The following CELF4 variants were observed in gnomAD, a reference collection of about 807,000 sequenced individuals.
CELF4 encodes the protein CUGBP Elav-like family member 4.
In CELF4, 18 loss-of-function variants were observed where a neutral mutation model predicts 59.9. That is an observed-to-expected ratio of 0.30 (90% CI 0.21 to 0.45). CELF4 has a LOEUF of 0.45. CELF4 is among the 20% of genes least tolerant of loss of function. CELF4 has a pLI of 1.00. For missense variants in CELF4, 456 were observed against 689.0 expected, an observed-to-expected ratio of 0.66 and a Z score of 3.79; for synonymous variants, 261 against 267.1, an observed-to-expected ratio of 0.98 and a Z score of 0.22.
intron 6 of CELF4, 148 bp downstream of exon 6, chr18:37,274,163 C>T (rs1242371662): frequency 4.1e-6 from 6 of 1,474,916 alleles, no homozygotes; most frequent in South Asian, 1.4e-5. Flanking sequence ...AGTTAAACCC[C>T]CCAGGTTCAT....
rs118104459 is a variant in CELF4, at chr18:37,310,712, C to T, written c.448+11091G>A. On this transcript the variant is annotated intron_variant, in intron 3 of 12. Transcript: ENST00000420428. ...GTGTTTTATCAGGCTGTTCCCAGTG[C>T]GGTGTGCCGGGGCCAGGGGGACGCT... 8.6e-4 allele frequency among the ~76,000 whole-genome samples: 131 copies of T among 152,342 alleles called. 2 individuals carry two copies. In the East Asian group the frequency reaches 0.024, roughly 28 times the overall value.
intron 7 of CELF4, 69 bp downstream of exon 7, chr18:37,272,946 AT>A: frequency 6.8e-7 from 1 of 1,475,408 alleles, no homozygotes; most frequent in Non-Finnish European, 9.3e-7. Flanking sequence ...GGTAGCTGAA[AT>A]TAGGTCCCAG....
rs777172664 is a variant in CELF4 at position 37,270,806 on chromosome 18, G to A, written c.1061C>T (p.Ala354Val). 1.5e-5 allele frequency: 24 copies of A among 1,613,838 alleles called. No homozygotes were observed. Among genetic ancestry groups the A allele is most frequent in the Admixed American group, 1.2e-4 (7 of 59,986 alleles). ...GATGCCATTGGCGAACACAGCTTCC[G>A]CAGCAGGTTGCCCATTGGCCTGTGG... ...LPPQANGQPA[A>V]EAVFANGIHP... The change falls in exon 8 of 13, where the codon GCG (alanine) becomes GTG (valine). Residue 354 changes from alanine to valine, a missense_variant. Coordinates refer to ENST00000420428, the MANE Select transcript of CELF4 (RefSeq NM_020180.4).
chr18:37,522,599 A>G (rs527406959), intron 1 of CELF4, among the ~76,000 whole-genome samples: 3 of 152,182 alleles, frequency 2.0e-5, no homozygotes, highest in Non-Finnish European at 4.4e-5. Context: ...TGTCACATTA[A>G]TAGACACGTT....
At chr18:37,468,708 G>A (rs954362295) in intron 2 of CELF4, among the ~76,000 whole-genome samples, 26 of 152,096 alleles carry the variant, frequency 1.7e-4, no homozygotes, top group Non-Finnish European at 7.4e-5. Context: ...GAGGCCTCAG[G>A]AAACTTACAA....
intron 2 of CELF4, among the ~76,000 whole-genome samples, chr18:37,387,938 T>G (rs1442213923): frequency 6.6e-6 from 1 of 152,164 alleles, no homozygotes; most frequent in Admixed American, 6.5e-5. Flanking sequence ...GCCAGCTTTC[T>G]CCCTAGTATT....
Position 37,266,555 on chromosome 18 carries a change from G to T in CELF4, c.1143C>A (p.Ala381=). Residue 381 remains alanine, a synonymous_variant, in exon 9 of 13, where the codon GCC becomes GCA. Coordinates refer to ENST00000420428, the MANE Select transcript of CELF4 (RefSeq NM_020180.4). The stretch of plus-strand genomic sequence containing the variant: ...AACGACCTGCATACTGCTGCACTCC[G>T]GCGTAGGCCTGCTGCAGGGGGTCCG... ...TAADPLQQAY[A]GVQQYAGPAA... is the part of the protein sequence containing the mutation. 6.3e-7 allele frequency: 1 copy of T among 1,597,174 alleles called. No individual in the cohort carries two copies. The highest frequency in any genetic ancestry group is 2.3e-5 in the East Asian group (1 of 44,240).
chr18:37,491,599 T>C (rs2099905635), intron 1 of CELF4, among the ~76,000 whole-genome samples: 1 of 151,704 alleles, frequency 6.6e-6, no homozygotes, highest in African/African-American at 2.4e-5. Flanking sequence ...AGATCCAAGA[T>C]TGGGGCACTG....
chr18:37,269,897 GC>G (rs1405753793), intron 8 of CELF4, among the ~76,000 whole-genome samples: 1 of 152,054 alleles, frequency 6.6e-6, no homozygotes, highest in Non-Finnish European at 1.5e-5. Flanking sequence ...TACTTCTTGG[GC>G]CCCCCTTTCA....
chr18:37,453,914 TTTC>T (rs2099771061), intron 2 of CELF4, among the ~76,000 whole-genome samples: 1 of 152,092 alleles, frequency 6.6e-6, no homozygotes, highest in Non-Finnish European at 1.5e-5. Context: ...AGCAGCTGGT[TTTC>T]TTCTTCCTTC....
intron 3 of CELF4, 25 bp downstream of exon 3, chr18:37,321,778 G>A: frequency 2.6e-6 from 4 of 1,545,234 alleles, no homozygotes; most frequent in Non-Finnish European, 3.6e-6. Flanking sequence ...GGGAGGGGGA[G>A]GGGCAGAGAC....
intron 1 of CELF4, among the ~76,000 whole-genome samples, chr18:37,514,629 T>C (rs751944702): frequency 6.6e-6 from 1 of 152,076 alleles, no homozygotes; most frequent in Non-Finnish European, 1.5e-5. Flanking sequence ...GCCTGGGCGG[T>C]AAACAAACAA....
At chr18:37,333,014 G>A (rs1182487294) in intron 2 of CELF4, among the ~76,000 whole-genome samples, 1 of 152,224 alleles carries the variant, frequency 6.6e-6, no homozygotes, top group Non-Finnish European at 1.5e-5. Context: ...CGGCATGGTC[G>A]GCTGGGTCGC....
intron 2 of CELF4, among the ~76,000 whole-genome samples, chr18:37,485,181 G>C (rs1009850744): frequency 6.6e-5 from 10 of 151,786 alleles, no homozygotes; most frequent in African/African-American, 2.4e-4. Context: ...TCCCCCACTA[G>C]AGCGGCCCGC....
rs115691234 is a variant in CELF4 at position 37,539,180 on chromosome 18, G to A, written c.286+26176C>T. On this transcript the variant is annotated intron_variant, in intron 1 of 12. Coordinates refer to ENST00000420428, the MANE Select transcript of CELF4 (RefSeq NM_020180.4). ...AGCTAATGTTTATTAATAGCTCACA[G>A]TGTGCTGGGAGCCTCTCCGAGAGCT... 5.7e-3 allele frequency among the ~76,000 whole-genome samples: 863 copies of A among 152,350 alleles called. 10 individuals are homozygous for A. Among genetic ancestry groups the A allele is most frequent in the African/African-American group, 0.019 (806 of 41,580 alleles).
rs996797643 is a variant in CELF4, at chr18:37,321,954, G to C, written c.370-73C>G. 7.2e-6 allele frequency: 9 copies of C among 1,256,430 alleles called. No homozygotes were observed. In the Admixed American group the frequency reaches 1.7e-4, roughly 24 times the overall value. The allele number at this position is 1,256,430 out of a possible 1,614,324, so 77.8% of individuals were successfully genotyped here. On this transcript the variant is annotated intron_variant, in intron 2 of 12. Coordinates refer to ENST00000420428, the MANE Select transcript of CELF4 (RefSeq NM_020180.4). The stretch of plus-strand genomic sequence containing the variant: ...GGGGACAGACACCCAGCACTCAGGT[G>C]CACAGGTGAATGCGAGTATACAGAC...
chr18:37,348,023 T>A (rs906055216), intron 2 of CELF4, among the ~76,000 whole-genome samples: 1 of 152,176 alleles, frequency 6.6e-6, no homozygotes, highest in Admixed American at 6.5e-5. Flanking sequence ...GTGGGCCTGG[T>A]GCCTGAGGTC....
chr18:37,271,844 T>C (rs1450673959), intron 7 of CELF4, among the ~76,000 whole-genome samples: 9 of 152,220 alleles, frequency 5.9e-5, no homozygotes, highest in African/African-American at 2.2e-4. Context: ...CAATACCCTG[T>C]GTCCTCCCTA....
At chr18:37,272,910 G>A in intron 7 of CELF4, 106 bp downstream of exon 7, 2 of 1,157,228 alleles carry the variant, frequency 1.7e-6, no homozygotes, top group Admixed American at 2.1e-5. Flanking sequence ...CAGACACTAT[G>A]TGCTTTTGCC....
Sources: allele counts gnomAD v4.1 joint callset (sites outside exome capture counted in the v4.1 genomes callset), GRCh38; gene constraint gnomAD v4.1.1; transcripts MANE v1.5; gene names NCBI Gene and HGNC (gene_info 2026-07-23, HGNC 2026-07-21).